RUFY2: variants seen among roughly 807,000 people sequenced by gnomAD.
RUFY2 encodes the protein RUN and FYVE domain containing 2.
In RUFY2, 49 loss-of-function variants were observed where a neutral mutation model predicts 94.4. That is an observed-to-expected ratio of 0.52 (90% CI 0.41 to 0.66). RUFY2 has a LOEUF of 0.66. Ranked by LOEUF, RUFY2 falls within the 30% of genes least tolerant of loss-of-function variation. RUFY2 has a pLI of 0.00. For synonymous variants in RUFY2, 255 were observed against 235.7 expected (o/e 1.08, Z -0.75); for missense variants, 541 against 692.8 (o/e 0.78, Z 2.46).
chr10:68,360,213 G>A (rs2047364575), intron 15 of RUFY2, among the ~76,000 whole-genome samples: 1 of 151,730 alleles, frequency 6.6e-6, no homozygotes, highest in African/African-American at 2.4e-5. Context: ...GGAGGTGGGA[G>A]CATCATTTGA....
chr10:68,390,359 G>T (rs996386877), intron 7 of RUFY2, among the ~76,000 whole-genome samples: 1 of 151,978 alleles, frequency 6.6e-6, no homozygotes, highest in African/African-American at 2.4e-5. Flanking sequence ...AAAGTACAAA[G>T]AATAAAATAA....
At chr10:68,399,614 A>G (rs1182984108) in intron 3 of RUFY2, among the ~76,000 whole-genome samples, 1 of 152,236 alleles carries the variant, frequency 6.6e-6, no homozygotes, top group African/African-American at 2.4e-5. Context: ...ACAAAATAAC[A>G]GCAAAACACT....
At chr10:68,342,115 A>G (rs1277121329), downstream of RUFY2, 4 of 1,173,960 alleles carry the variant, frequency 3.4e-6, no homozygotes, top group Non-Finnish European at 4.8e-6. Context: ...ACTTTCTTAC[A>G]GATTTAATTT....
At chr10:68,353,578 C>G (rs1245614302) in intron 16 of RUFY2, among the ~76,000 whole-genome samples, 3 of 151,732 alleles carry the variant, frequency 2.0e-5, no homozygotes, top group Non-Finnish European at 2.9e-5. Context: ...GACTGGAGGA[C>G]TGCCCGAGGA....
At chr10:68,367,967 CTTT>C (rs748208331) in intron 13 of RUFY2, among the ~76,000 whole-genome samples, 5 of 138,964 alleles carry the variant, frequency 3.6e-5, no homozygotes, top group Admixed American at 7.3e-5. Context: ...TGTGGGTTGT[CTTT>C]TTTTTTTTTT....
In RUFY2 at chr10:68,363,640, T is replaced by C. The variant is rs1426874479; in HGVS notation, c.1500A>G (p.Ile500Met). Residue 500 changes from isoleucine (I) to methionine (M), a missense_variant, in exon 15 of 18, where the codon ATA becomes ATG. Transcript: ENST00000602465. ...LQDENQQLKKIYHEQEQALQE... is the reference protein window; with the variant it reads ...LQDENQQLKKMYHEQEQALQE... Reference sequence around the variant, plus strand: ...GAAGAGCTTGCTCTTGTTCATGATATATTTTTTTCAACTGCTGATTTTCAT... The same window carrying C: ...GAAGAGCTTGCTCTTGTTCATGATACATTTTTTTCAACTGCTGATTTTCAT... 4.4e-6 allele frequency: 7 copies of C among 1,608,976 alleles called. No individual in the cohort carries two copies. The highest frequency in any genetic ancestry group is 5.9e-6 in the Non-Finnish European group (7 of 1,178,596).
chr10:68,342,045 G>T, downstream of RUFY2: 3 of 1,613,150 alleles, frequency 1.9e-6, no homozygotes, highest in Non-Finnish European at 2.5e-6. Flanking sequence ...GATGGCGTGG[G>T]ATGTACTGAA....
At chr10:68,386,705 G>T (rs1480909284) in intron 7 of RUFY2, among the ~76,000 whole-genome samples, 2 of 151,866 alleles carry the variant, frequency 1.3e-5, no homozygotes, top group African/African-American at 4.8e-5. Context: ...GAAAATATTT[G>T]GGAATAAAAA....
chr10:68,342,985 A>G (rs921104439), downstream of RUFY2: 1 of 152,206 alleles, frequency 6.6e-6, no homozygotes, highest in African/African-American at 2.4e-5. Flanking sequence ...TGGGTTTTGT[A>G]TCTGATCCCT....
Position 68,383,871 on chromosome 10 carries a change from T to G in RUFY2, c.866A>C (p.His289Pro), listed in dbSNP as rs1187496222. The G allele has an allele frequency of 1.9e-6, 3 of 1,613,998 alleles. No individual in the cohort carries two copies. Among genetic ancestry groups the G allele is most frequent in the Non-Finnish European group, 2.5e-6 (3 of 1,180,016 alleles). The change falls in exon 10 of 18, where the codon CAT becomes CCT. Residue 289 changes from histidine to proline, a missense_variant. His to Pro is a moderately conservative substitution (Grantham distance 77). Transcript: ENST00000602465. ...CATTTCATCTAGCCCCTGACGAGAA[T>G]GCTTATATGTTTGAAGCTCAGTTTC... ...DVETELQTYK[H>P]SRQGLDEMYN... is the part of the protein sequence containing the mutation.
intron 13 of RUFY2, among the ~76,000 whole-genome samples, chr10:68,368,948 A>C (rs1170193603): frequency 6.6e-6 from 1 of 152,146 alleles, no homozygotes; most frequent in Non-Finnish European, 1.5e-5. Context: ...AACACCCGAG[A>C]AAAAACCCAT....
intron 7 of RUFY2, among the ~76,000 whole-genome samples, chr10:68,386,911 A>T (rs2049545624): frequency 6.6e-6 from 1 of 152,176 alleles, no homozygotes; most frequent in South Asian, 2.1e-4. Context: ...AAATATGAAG[A>T]TGAGATACCC....
intron 13 of RUFY2, among the ~76,000 whole-genome samples, chr10:68,368,005 G>A (rs1215144666): frequency 1.4e-5 from 2 of 147,406 alleles, no homozygotes; most frequent in Admixed American, 1.4e-4. Context: ...TCGCTCTGTC[G>A]CCCAGGCTGG....
intron 7 of RUFY2, among the ~76,000 whole-genome samples, chr10:68,391,720 G>A (rs2050004222): frequency 6.7e-6 from 1 of 149,774 alleles, no homozygotes; most frequent in African/African-American, 2.5e-5. Context: ...AGGACTTTGG[G>A]AGGCAGAGGC....
intron 15 of RUFY2, 147 bp downstream of exon 15, chr10:68,363,443 G>A (rs1457594445): frequency 2.0e-6 from 1 of 501,104 alleles, no homozygotes; most frequent in Non-Finnish European, 3.4e-6. Context: ...GAATTACAAA[G>A]TGCGGGGATT....
chr10:68,401,481 A>C lies in RUFY2; in HGVS notation c.296+139T>G, dbSNP rs554420889. ...GATTTGAGTTGAGCCATAAAGAATG[A>C]ACATAATTTTATTATAAGAGGATTA... On this transcript the variant is annotated intron_variant, in intron 3 of 17. Coordinates refer to ENST00000602465, the MANE Select transcript of RUFY2 (RefSeq NM_001330103.2). 8.1e-6 allele frequency: 5 copies of C among 619,286 alleles called. No homozygotes were observed. In the African/African-American group the frequency reaches 9.0e-5, roughly 11 times the overall value. The allele number at this position is 619,286 out of a possible 1,614,324, so 38.4% of individuals were successfully genotyped here. A position where few individuals can be genotyped will look rare whatever the true frequency, so the allele number is the denominator to read the frequency against.
At chr10:68,399,243 G>T (rs757303569) in intron 3 of RUFY2, among the ~76,000 whole-genome samples, 3 of 151,698 alleles carry the variant, frequency 2.0e-5, no homozygotes, top group Admixed American at 6.6e-5. Flanking sequence ...ATGTGGTTTC[G>T]CCATGTTGCC....
chr10:68,388,293 T>C (rs1338081852), intron 7 of RUFY2, among the ~76,000 whole-genome samples: 5 of 151,604 alleles, frequency 3.3e-5, no homozygotes, highest in East Asian at 2.0e-4. Flanking sequence ...TGAAACCCTG[T>C]CTCTACTAAA....
intron 1 of RUFY2, 78 bp from the exon 2 acceptor site, chr10:68,404,922 A>G (rs1438859618): frequency 2.5e-6 from 3 of 1,213,986 alleles, no homozygotes; most frequent in African/African-American, 1.6e-5. Context: ...CCCTTCCCCT[A>G]TAAAAACCAA....
Sources: allele counts gnomAD v4.1 joint callset (sites outside exome capture counted in the v4.1 genomes callset), GRCh38; gene constraint gnomAD v4.1.1; transcripts MANE v1.5; gene names NCBI Gene and HGNC (gene_info 2026-07-23, HGNC 2026-07-21).